TLE2: variants seen among roughly 807,000 people sequenced by gnomAD.
TLE2 encodes transducin-like enhancer protein 2.
Under a neutral mutation model 97.2 loss-of-function variants are expected in TLE2, and 74 were observed. The ratio of observed to expected loss-of-function variants is 0.76; its 90% CI spans 0.63 to 0.92. The LOEUF (loss-of-function observed/expected upper bound fraction) is 0.92, where lower values mean the gene tolerates loss of function less well. Among genes scored for constraint, TLE2 ranks in the 40% least tolerant of loss-of-function variants. TLE2 has a pLI of 0.00. For synonymous variants in TLE2, 499 were observed against 432.1 expected (o/e 1.15, Z -1.92); for missense variants, 1,038 against 1,008.7 (o/e 1.03, Z -0.39).
At chr19:3,034,054 C>G (rs1212099706), upstream of TLE2, among the ~76,000 whole-genome samples, 1 of 151,996 alleles carries the variant, frequency 6.6e-6, no homozygotes. Context: ...GTGGGTCCAG[C>G]CACCAACTGG....
At chr19:3,036,374 C>T (rs938740079) in intron 1 of TLE2, among the ~76,000 whole-genome samples, 1 of 152,252 alleles carries the variant, frequency 6.6e-6, no homozygotes, top group African/African-American at 2.4e-5. Flanking sequence ...CGCCAGCTCC[C>T]GCTCCCTCCC....
At chr19:3,013,938 G>T in intron 10 of TLE2, 120 bp from the exon 11 acceptor site, 2 of 1,029,438 alleles carry the variant, frequency 1.9e-6, no homozygotes, top group South Asian at 4.1e-5. Context: ...ACCCACCATG[G>T]GAAGATTATG....
intron 1 of TLE2, among the ~76,000 whole-genome samples, chr19:3,041,993 CG>C (rs1008110958): frequency 2.6e-5 from 4 of 151,888 alleles, no homozygotes; most frequent in Non-Finnish European, 4.4e-5. Flanking sequence ...CGCGGTGCTG[CG>C]GGGGAACCCA....
intron 1 of TLE2, among the ~76,000 whole-genome samples, chr19:3,042,411 GGGCCTGGGAGGACGGT>G (rs1330689722): frequency 0.013 from 965 of 72,540 alleles, 26 homozygotes; most frequent in African/African-American, 0.073. Flanking sequence ...AGGGGTAAGG[GGGCCTGGGAGGACGGT>G]GGGCCTGGGT....
Position 3,000,717 on chromosome 19 carries a change from C to A in TLE2, c.2054G>T (p.Trp685Leu). 1 of 1,585,152 alleles carries A rather than the reference C, an allele frequency of 6.3e-7. No individual in the cohort carries two copies. Among genetic ancestry groups the A allele is most frequent in the South Asian group, 1.2e-5 (1 of 86,552 alleles). Residue 685 changes from tryptophan (W) to leucine (L), a missense_variant, in exon 19 of 20, where the codon TGG becomes TTG. By Grantham distance (61) the Trp-to-Leu change is moderately conservative (BLOSUM62 -2). Coordinates refer to ENST00000262953, the MANE Select transcript of TLE2 (RefSeq NM_003260.5). ...LSLKFASCGR[W>L]FVSTGKDNLL... The stretch of plus-strand genomic sequence containing the variant: ...GTTGTCCTTCCCGGTGCTCACAAAC[C>A]ACCGTCCTTGGGGAAGGAGAGCAGC...
At chr19:3,028,496 T>G in intron 2 of TLE2, 114 bp from the exon 3 acceptor site, 1 of 1,070,942 alleles carries the variant, frequency 9.3e-7, no homozygotes, top group South Asian at 1.5e-5. Context: ...CCCCACCTCC[T>G]GTCCCAGTCC....
At chr19:2,999,613 G>C (rs1221105301) in intron 19 of TLE2, among the ~76,000 whole-genome samples, 2 of 151,854 alleles carry the variant, frequency 1.3e-5, no homozygotes, top group African/African-American at 4.8e-5. Context: ...TGGAGTCCCA[G>C]CTACTCGGGA....
chr19:2,998,145 A>G (rs1473823975), intron 19 of TLE2, among the ~76,000 whole-genome samples, 190 bp from the exon 20 acceptor site: 2 of 151,752 alleles, frequency 1.3e-5, no homozygotes, highest in Admixed American at 1.3e-4. Context: ...ATCTTGGCTC[A>G]CTGCAACCTC....
At chr19:3,029,537 C>A (rs2090003958), upstream of TLE2, 2 of 895,338 alleles carry the variant, frequency 2.2e-6, no homozygotes, top group East Asian at 1.3e-4. Context: ...GAAATTCACA[C>A]CGTGTTACCC....
chr19:3,045,070 T>C (rs578237698), intron 1 of TLE2, among the ~76,000 whole-genome samples: 1 of 151,786 alleles, frequency 6.6e-6, no homozygotes, highest in East Asian at 1.9e-4. Context: ...AAAAATTAGC[T>C]GGATGTGGTG....
At chr19:2,998,615 T>C (rs189266350) in intron 19 of TLE2, among the ~76,000 whole-genome samples, 77 of 152,160 alleles carry the variant, frequency 5.1e-4, no homozygotes, top group Admixed American at 1.6e-3. Context: ...GGTTTCCCCA[T>C]GTTGGCCAGG....
At chr19:3,009,364 G>C (rs1035898172) in intron 13 of TLE2, among the ~76,000 whole-genome samples, 178 bp downstream of exon 13, 1 of 152,182 alleles carries the variant, frequency 6.6e-6, no homozygotes, top group Non-Finnish European at 1.5e-5. Flanking sequence ...GTCTTGCTTT[G>C]TATTAAGCTT....
rs745896685 is a variant in TLE2 at position 3,017,847 on chromosome 19, G to C, written c.563C>G (p.Pro188Arg). ...EAEGSRVERA[P>R]SRSASPSPPE... ...AGGGTGCCACTCACTTACCCTGCTC[G>C]GGGCTCTCTCCACTGACAGATTGGG... is the stretch of plus-strand genomic sequence containing the variant. Residue 188 changes from proline to arginine, a missense_variant, in exon 8 of 20, where the codon CCG becomes CGG. Transcript: ENST00000262953. 2.5e-6 allele frequency: 4 copies of C among 1,612,150 alleles called. No individual in the cohort carries two copies. The South Asian group carries it at 4.4e-5, about 18-fold the overall frequency.
chr19:3,015,843 G>T, intron 8 of TLE2, 83 bp from the exon 9 acceptor site: 2 of 1,042,122 alleles, frequency 1.9e-6, no homozygotes, highest in Non-Finnish European at 1.4e-6. Context: ...GAGACTGAGG[G>T]TCCCCCACCA....
At chr19:3,010,226 T>C (rs2089566031) in intron 12 of TLE2, among the ~76,000 whole-genome samples, 1 of 151,782 alleles carries the variant, frequency 6.6e-6, no homozygotes, top group Non-Finnish European at 1.5e-5. Context: ...TAGCTGGGCA[T>C]GGTGGTGCAT....
At chr19:3,044,102 G>C (rs2090124735) in intron 1 of TLE2, among the ~76,000 whole-genome samples, 1 of 151,922 alleles carries the variant, frequency 6.6e-6, no homozygotes, top group South Asian at 2.1e-4. Context: ...GAACCCAGGA[G>C]ACAGAGGTTG....
chr19:3,025,356 C>T (rs975878172), intron 4 of TLE2: 16 of 1,227,664 alleles, frequency 1.3e-5, no homozygotes, highest in East Asian at 1.1e-4. Context: ...ACCCGCCAGA[C>T]GCACACCCGC....
rs751643972 is a variant in TLE2, at chr19:3,028,805, T to TG, written c.25-3dup. On this transcript the variant is annotated splice_region_variant and splice_polypyrimidine_tract_variant and intron_variant, in intron 1 of 19. Coordinates refer to ENST00000262953, the MANE Select transcript of TLE2 (RefSeq NM_003260.5). Reference sequence around the variant, plus strand: ...GGGCTGGCCGGACTGGAGCGGGGTCTGGGGGGGGTGTGGGGGAAACGTCAG... The same window carrying TG: ...GGGCTGGCCGGACTGGAGCGGGGTCTGGGGGGGGGTGTGGGGGAAACGTCAG... 927 of 1,328,958 alleles carry TG rather than the reference T, an allele frequency of 7.0e-4. 3 individuals carry two copies. The African/African-American group carries it at 7.3e-3, about 10-fold the overall frequency. The allele number at this position is 1,328,958 out of a possible 1,614,324, so 82.3% of individuals were successfully genotyped here.
chr19:3,031,248 G>A (rs926138568), upstream of TLE2, among the ~76,000 whole-genome samples: 1 of 152,160 alleles, frequency 6.6e-6, no homozygotes, highest in South Asian at 2.1e-4. Context: ...GAGGACCCTT[G>A]GGGGAGGGTA....
Sources: gnomAD v4.1 joint callset for allele counts (sites outside exome capture counted in the v4.1 genomes callset) on GRCh38, gnomAD v4.1.1 for gene constraint, MANE v1.5 for transcripts, NCBI Gene and HGNC (gene_info 2026-07-23, HGNC 2026-07-21) for gene names.